CRYBG3: variants seen among roughly 807,000 people sequenced by gnomAD.
CRYBG3 encodes the protein crystallin beta-gamma domain containing 3.
In CRYBG3, 127 loss-of-function variants were observed where a neutral mutation model predicts 244.2. That is an observed-to-expected ratio of 0.52 (90% CI 0.45 to 0.60). The LOEUF is 0.60. Ranked by LOEUF, CRYBG3 falls within the 20% of genes least tolerant of loss-of-function variation. The probability of loss-of-function intolerance (pLI) is 0.00; values close to 1 mark genes in which losing one functional copy is unlikely to be tolerated. For synonymous variants in CRYBG3, 1,132 were observed against 1,195.8 expected, an observed-to-expected ratio of 0.95 and a Z score of 1.10; for missense variants, 3,325 against 3,442.5, an observed-to-expected ratio of 0.97 and a Z score of 0.85.
rs2039363824 is a variant in CRYBG3, at chr3:97,875,745, T to C, written c.4551T>C (p.Leu1517=). The part of the protein sequence containing the change: ...NLPGHSKNTP[L]AMSDVGKVHK... ...CAGGACACAGTAAAAACACACCTCTTGCAATGTCAGATGTAGGGAAAGTAC... is the reference window on the plus strand; with the variant it reads ...CAGGACACAGTAAAAACACACCTCTCGCAATGTCAGATGTAGGGAAAGTAC... The change falls in exon 4 of 22, where the codon CTT becomes CTC. Residue 1517 remains leucine, a synonymous_variant. Transcript: ENST00000389622. The C allele has an allele frequency of 4.9e-6, 6 of 1,231,960 alleles. No individual in the cohort carries two copies. The highest frequency in any genetic ancestry group is 6.1e-6 in the Non-Finnish European group (6 of 987,966). 76.3% of individuals were successfully genotyped at this position (1,231,960 alleles called of 1,614,324 possible).
intron 15 of CRYBG3, among the ~76,000 whole-genome samples, chr3:97,904,616 G>A (rs1171146883): frequency 6.6e-6 from 1 of 151,942 alleles, no homozygotes; most frequent in East Asian, 1.9e-4. Context: ...TGGGAATGTA[G>A]TTAGTGAACA....
At chr3:97,834,006 G>A (rs2038693761) in intron 1 of CRYBG3, among the ~76,000 whole-genome samples, 1 of 152,016 alleles carries the variant, frequency 6.6e-6, no homozygotes, top group South Asian at 2.1e-4. Context: ...GGAACTAACA[G>A]AGTGAAAAAT....
intron 15 of CRYBG3, among the ~76,000 whole-genome samples, 198 bp from the exon 16 acceptor site, chr3:97,911,969 C>T (rs956988802): frequency 6.6e-6 from 1 of 152,122 alleles, no homozygotes; most frequent in Non-Finnish European, 1.5e-5. Context: ...CAGTGACATT[C>T]CATTCCTGAA....
chr3:97,859,540 T>C (rs2039115926), intron 2 of CRYBG3, among the ~76,000 whole-genome samples: 1 of 152,234 alleles, frequency 6.6e-6, no homozygotes, highest in African/African-American at 2.4e-5. Flanking sequence ...TAATAGTATC[T>C]TGTTGATTAT....
chr3:97,920,835 A>T (rs1438100037), intron 17 of CRYBG3, among the ~76,000 whole-genome samples: 11 of 152,064 alleles, frequency 7.2e-5, no homozygotes, highest in Non-Finnish European at 1.5e-5. Context: ...CAGCCCCATG[A>T]TATGTCTTAA....
At chr3:97,853,033 T>G (rs1182627024) in intron 2 of CRYBG3, among the ~76,000 whole-genome samples, 1 of 152,164 alleles carries the variant, frequency 6.6e-6, no homozygotes, top group African/African-American at 2.4e-5. Flanking sequence ...ATTTTAATAG[T>G]TTAGTAGCAC....
chr3:97,941,300 A>G lies in CRYBG3; in HGVS notation c.8658A>G (p.Lys2886=), dbSNP rs776778000. The G allele has an allele frequency of 1.2e-6, 2 of 1,605,388 alleles. No homozygotes were observed. The highest frequency in any genetic ancestry group is 2.7e-5 in the African/African-American group (2 of 74,524). The change falls in exon 20 of 22, where the codon AAA becomes AAG. Residue 2886 remains lysine (K), a synonymous_variant. Coordinates refer to ENST00000389622, the MANE Select transcript of CRYBG3 (RefSeq NM_153605.4). ...QIWYYCRGLF[K]SKASDTCLDV... ...GGTACTACTGCCGAGGACTCTTTAA[A>G]TCCAAGGTAAGCAATCCCACTGATA...
chr3:97,874,142 C>T lies in CRYBG3; in HGVS notation c.2948C>T (p.Ser983Leu). The T allele has an allele frequency of 6.5e-7, 1 of 1,533,826 alleles. No individual in the cohort carries two copies. Among genetic ancestry groups the T allele is most frequent in the Non-Finnish European group, 8.7e-7 (1 of 1,146,272 alleles). Residue 983 changes from serine (S) to leucine (L), a missense_variant, in exon 4 of 22, where the codon TCA becomes TTA. Ser to Leu is a moderately radical substitution (Grantham distance 145). This residue lies in a region of CRYBG3 where 1,526 missense variants were observed against 1,443.2 expected (regional missense o/e 1.06). Transcript: ENST00000389622. Reference sequence around the variant, plus strand: ...GGGACTAAAAAGATTTCTGGTCACTCAGAAATGGCGGAACTCAGCTTAACT... The same window carrying T: ...GGGACTAAAAAGATTTCTGGTCACTTAGAAATGGCGGAACTCAGCTTAACT... ...ICGTKKISGHSEMAELSLTNI... is the reference protein window; with the variant it reads ...ICGTKKISGHLEMAELSLTNI...
chr3:97,873,877 G>C lies in CRYBG3; in HGVS notation c.2683G>C (p.Gly895Arg), dbSNP rs528234583. 6 of 1,535,772 alleles carry C rather than the reference G, an allele frequency of 3.9e-6. No homozygotes were observed. Among genetic ancestry groups the C allele is most frequent in the Non-Finnish European group, 5.2e-6 (6 of 1,146,816 alleles). The change falls in exon 4 of 22, where the codon GGA becomes CGA. Residue 895 changes from glycine to arginine, a missense_variant. Physicochemically the swap from Gly to Arg is moderately radical, Grantham distance 125 (BLOSUM62 -2). Transcript: ENST00000389622. ...TCAATCAATTAATCATAATGAGATA[G>C]GAGAGAAATGTTCAGATGCTGGCCT... Reference protein sequence around the residue: ...RFQSINHNEIGEKCSDAGLKE... With the variant: ...RFQSINHNEIREKCSDAGLKE...
chr3:97,872,544 G>A lies in CRYBG3; in HGVS notation c.1350G>A (p.Gln450=). Residue 450 remains glutamine (Q), a synonymous_variant, in exon 4 of 22, where the codon CAG becomes CAA. Coordinates refer to ENST00000389622, the MANE Select transcript of CRYBG3 (RefSeq NM_153605.4). Reference sequence around the variant, plus strand: ...CTGATGGGAGTGACACTACTGAGCAGGAAAGTACAAATTTGCCAAGTCCAA... The same window carrying A: ...CTGATGGGAGTGACACTACTGAGCAAGAAAGTACAAATTTGCCAAGTCCAA... The part of the protein sequence containing the change: ...SKSDGSDTTE[Q]ESTNLPSPNK... 1 of 1,535,918 alleles carries A rather than the reference G, an allele frequency of 6.5e-7. No homozygotes were observed.
rs940110833 is a variant in CRYBG3, at chr3:97,875,237, G to T, written c.4043G>T (p.Ser1348Ile). Residue 1348 changes from serine (S) to isoleucine (I), a missense_variant, in exon 4 of 22, where the codon AGT (serine) becomes ATT (isoleucine). Transcript: ENST00000389622. ...ANTSKILNSD[S>I]VKPHDVVREF... ...ACTTCAAAAATTCTGAACAGTGATA[G>T]TGTTAAGCCACATGATGTAGTTAGA... 5.3e-6 allele frequency: 8 copies of T among 1,521,246 alleles called. No homozygotes were observed. Among genetic ancestry groups the T allele is most frequent in the Non-Finnish European group, 7.0e-6 (8 of 1,141,690 alleles). 94.2% of individuals were successfully genotyped at this position (1,521,246 alleles called of 1,614,324 possible). A position where few individuals can be genotyped will look rare whatever the true frequency, so the allele number is the denominator to read the frequency against.
chr3:97,841,196 A>ATATATGTATATATGTATATATG (rs2038807853), intron 1 of CRYBG3, among the ~76,000 whole-genome samples: 1 of 139,056 alleles, frequency 7.2e-6, no homozygotes, highest in African/African-American at 3.2e-5. Context: ...ATATGTGTGT[A>ATATATGTATATATGTATATATG]TATATGTATA....
chr3:97,857,417 GTTTT>G (rs1284270197), intron 2 of CRYBG3, among the ~76,000 whole-genome samples: 1 of 131,022 alleles, frequency 7.6e-6, no homozygotes. Flanking sequence ...ATTTCCTTAA[GTTTT>G]TTTTTTTTTT....
At chr3:97,879,915 A>T in intron 5 of CRYBG3, 70 bp from the exon 6 acceptor site, 1 of 983,978 alleles carries the variant, frequency 1.0e-6, no homozygotes, top group Non-Finnish European at 1.6e-6. Context: ...GTTCTAGGAC[A>T]TTTTAGAATT....
rs1284299421 is a variant in CRYBG3, at chr3:97,899,185, A to T, written c.7893A>T (p.Leu2631Phe). The change falls in exon 14 of 22, where the codon TTA becomes TTT. Residue 2631 changes from leucine (L) to phenylalanine (F), a missense_variant. By Grantham distance (22) the Leu-to-Phe change is conservative. Coordinates refer to ENST00000389622, the MANE Select transcript of CRYBG3 (RefSeq NM_153605.4). ...QKFFCGEQYI[L>F]EKGKYKCFFD... Reference sequence around the variant, plus strand: ...TCTTCTGTGGAGAACAATACATTTTAGAAAAAGGGAAATACAAATGCTTTT... The same window carrying T: ...TCTTCTGTGGAGAACAATACATTTTTGAAAAAGGGAAATACAAATGCTTTT... The T allele has an allele frequency of 6.2e-7, 1 of 1,613,836 alleles. No individual in the cohort carries two copies. The highest frequency in any genetic ancestry group is 8.5e-7 in the Non-Finnish European group (1 of 1,179,870).
At position 97,874,888 on chromosome 3, in the gene CRYBG3, G is replaced by A. The variant is rs371701180; in HGVS notation, c.3694G>A (p.Gly1232Ser). The A allele has an allele frequency of 1.3e-6, 2 of 1,534,950 alleles. No individual in the cohort carries two copies. The highest frequency in any genetic ancestry group is 1.7e-6 in the Non-Finnish European group (2 of 1,146,560). ...CTGCCAGGAGCATATAGCCATAGAA[G>A]GTATAATGAATCTGGGTACCCTGAA... ...STCQEHIAIE[G>S]IMNLGTLKED... The change falls in exon 4 of 22, where the codon GGT (glycine) becomes AGT (serine). Residue 1232 changes from glycine to serine, a missense_variant. Around this residue, in one of 4 missense-constraint regions of CRYBG3, gnomAD observed 1,526 missense variants for 1,443.2 expected, o/e 1.06. Coordinates refer to ENST00000389622, the MANE Select transcript of CRYBG3 (RefSeq NM_153605.4).
chr3:97,881,657 A>T (rs2039449004), intron 7 of CRYBG3, among the ~76,000 whole-genome samples: 1 of 152,150 alleles, frequency 6.6e-6, no homozygotes, highest in Non-Finnish European at 1.5e-5. Context: ...CGGAGGTTGC[A>T]GTCAATCAGG....
chr3:97,876,368 A>G lies in CRYBG3; in HGVS notation c.5174A>G (p.Asp1725Gly). The G allele has an allele frequency of 8.1e-7, 1 of 1,232,086 alleles. No homozygotes were observed. Among genetic ancestry groups the G allele is most frequent in the East Asian group, 3.2e-5 (1 of 31,696 alleles). 76.3% of individuals were successfully genotyped at this position (1,232,086 alleles called of 1,614,324 possible). Residue 1725 changes from aspartate to glycine, a missense_variant, in exon 4 of 22, where the codon GAT becomes GGT. By Grantham distance (94) the Asp-to-Gly change is moderately conservative (BLOSUM62 -1). This residue lies in a region of CRYBG3 where 635 missense variants were observed against 771.7 expected (regional missense o/e 0.82). Transcript: ENST00000389622. ...ACTTACCAAAAGGATGCTGAAGGGGATATTGGAAAGGCTGAAGTGATGCCT... is the reference window on the plus strand; with the variant it reads ...ACTTACCAAAAGGATGCTGAAGGGGGTATTGGAAAGGCTGAAGTGATGCCT... ...ENTYQKDAEG[D>G]IGKAEVMPVR...
At chr3:97,932,357 T>A (rs1193067820) in intron 17 of CRYBG3, among the ~76,000 whole-genome samples, 4 of 152,088 alleles carry the variant, frequency 2.6e-5, no homozygotes, top group African/African-American at 9.7e-5. Context: ...GATTCTTCTG[T>A]GTATGAACCA....
Sources: gnomAD v4.1 joint callset for allele counts (sites outside exome capture counted in the v4.1 genomes callset) on GRCh38, gnomAD v4.1.1 for gene constraint, gnomAD v4.1.1 regional missense constraint, MANE v1.5 for transcripts, NCBI Gene and HGNC (gene_info 2026-07-23, HGNC 2026-07-21) for gene names.